The following DIP2C variants were observed in gnomAD, a reference collection of about 807,000 sequenced individuals.
The protein encoded by DIP2C is disco-interacting protein 2 homolog C.
Under a neutral mutation model 192.4 loss-of-function variants are expected in DIP2C, and 33 were observed. That is an observed-to-expected ratio of 0.17 (90% CI 0.13 to 0.23). The LOEUF (loss-of-function observed/expected upper bound fraction) is 0.23, where lower values mean the gene tolerates loss of function less well. Among genes scored for constraint, DIP2C ranks in the 10% least tolerant of loss-of-function variants. DIP2C has a pLI of 1.00. For missense variants in DIP2C, 1,537 were observed against 2,110.1 expected, an observed-to-expected ratio of 0.73 and a Z score of 5.32; for synonymous variants, 979 against 864.1, an observed-to-expected ratio of 1.13 and a Z score of -2.33.
At chr10:316,222 T>G (rs957231801) in intron 31 of DIP2C, among the ~76,000 whole-genome samples, 3 of 152,214 alleles carry the variant, frequency 2.0e-5, no homozygotes, top group African/African-American at 7.2e-5. Context: ...AAATTTTGAT[T>G]ATATAACACA....
intron 1 of DIP2C, among the ~76,000 whole-genome samples, chr10:646,256 C>T (rs1335752673): frequency 6.6e-6 from 1 of 152,128 alleles, no homozygotes; most frequent in Non-Finnish European, 1.5e-5. Flanking sequence ...GACTCACTGC[C>T]CCGTGCCCCC....
intron 1 of DIP2C, among the ~76,000 whole-genome samples, chr10:634,611 G>A (rs967892109): frequency 6.6e-6 from 1 of 152,078 alleles, no homozygotes; most frequent in Admixed American, 6.5e-5. Context: ...ATTTAGCTGG[G>A]TGTGTTGGTG....
intron 1 of DIP2C, chr10:664,394 G>A (rs961851626): frequency 2.6e-5 from 4 of 152,214 alleles, no homozygotes; most frequent in Non-Finnish European, 4.4e-5. Flanking sequence ...AGTCCGCTGT[G>A]TTCTGTTATC....
chr10:366,700 A>G (rs959779809), intron 18 of DIP2C, among the ~76,000 whole-genome samples: 1 of 152,190 alleles, frequency 6.6e-6, no homozygotes, highest in Non-Finnish European at 1.5e-5. Flanking sequence ...CCATTTAGAT[A>G]TGGGGAGGAA....
intron 1 of DIP2C, among the ~76,000 whole-genome samples, chr10:536,622 G>T (rs1847712667): frequency 6.6e-6 from 1 of 152,086 alleles, no homozygotes; most frequent in African/African-American, 2.4e-5. Flanking sequence ...GAGCCGGACA[G>T]ACAGTGAATG....
intron 16 of DIP2C, among the ~76,000 whole-genome samples, chr10:383,380 T>A (rs1292199292): frequency 6.6e-6 from 1 of 152,240 alleles, no homozygotes; most frequent in Non-Finnish European, 1.5e-5. Flanking sequence ...TGTGGTCAGA[T>A]ACCTTTAATT....
In DIP2C at chr10:609,465, A is replaced by G. The variant is rs147253845; in HGVS notation, c.85+80029T>C. Among the ~76,000 whole-genome samples the G allele has an allele frequency of 1.9e-3, 297 of 152,346 alleles. 1 individual carries two copies. Among genetic ancestry groups the G allele is most frequent in the Middle Eastern group, 0.01 (3 of 294 alleles). ...ATCCTATCAGGGCTGACTAACATTC[A>G]ATCAGCATCAGTCTCTCCTTTCAGC... On this transcript the variant is annotated intron_variant, in intron 1 of 36. Transcript: ENST00000280886.
intron 1 of DIP2C, among the ~76,000 whole-genome samples, chr10:568,790 A>C (rs1267605157): frequency 7.1e-6 from 1 of 140,820 alleles, no homozygotes; most frequent in Non-Finnish European, 1.5e-5. Context: ...AAAAAAAAAA[A>C]AAAAAAAACC....
At chr10:449,410 C>G (rs1430456239) in intron 3 of DIP2C, among the ~76,000 whole-genome samples, 1 of 152,120 alleles carries the variant, frequency 6.6e-6, no homozygotes, top group African/African-American at 2.4e-5. Flanking sequence ...CTGCGGCTAT[C>G]AAGGCACACA....
At chr10:589,338 G>T (rs1362056423) in intron 1 of DIP2C, among the ~76,000 whole-genome samples, 1 of 152,076 alleles carries the variant, frequency 6.6e-6, no homozygotes, top group African/African-American at 2.4e-5. Context: ...TAATTTTGAT[G>T]AAGTCTTGTC....
chr10:310,772 A>C (rs543239663), intron 31 of DIP2C, among the ~76,000 whole-genome samples: 2 of 152,160 alleles, frequency 1.3e-5, no homozygotes, highest in Non-Finnish European at 2.9e-5. Flanking sequence ...CACCATGCTG[A>C]CTTCTGACCA....
At chr10:534,686 T>TTCAGACGGAG (rs1847597048) in intron 1 of DIP2C, among the ~76,000 whole-genome samples, 1 of 151,310 alleles carries the variant, frequency 6.6e-6, no homozygotes, top group African/African-American at 2.4e-5. Flanking sequence ...TTTTTTTTTT[T>TTCAGACGGAG]TGAGACGGAG....
chr10:533,073 C>T (rs1466077592), intron 1 of DIP2C, among the ~76,000 whole-genome samples: 1 of 152,154 alleles, frequency 6.6e-6, no homozygotes, highest in Non-Finnish European at 1.5e-5. Flanking sequence ...ACCCCACTTA[C>T]ATAGATCCCA....
chr10:621,161 C>T (rs769084044), intron 1 of DIP2C, among the ~76,000 whole-genome samples: 11 of 152,188 alleles, frequency 7.2e-5, no homozygotes, highest in East Asian at 3.9e-4. Context: ...GGCCGCCCGA[C>T]GCAACGGGCC....
intron 2 of DIP2C, among the ~76,000 whole-genome samples, chr10:484,590 C>T (rs193284448): frequency 6.2e-4 from 95 of 152,330 alleles, no homozygotes; most frequent in African/African-American, 2.2e-3. Flanking sequence ...AGAACTGGGC[C>T]CTGATTCACA....
chr10:436,015 C>G (rs1403056404), intron 4 of DIP2C, among the ~76,000 whole-genome samples: 1 of 151,974 alleles, frequency 6.6e-6, no homozygotes, highest in East Asian at 1.9e-4. Context: ...ATACTTTTAA[C>G]TCAAAATGCT....
At chr10:311,463 C>T in intron 31 of DIP2C, 1 of 1,192,658 alleles carries the variant, frequency 8.4e-7, no homozygotes, top group Non-Finnish European at 1.1e-6. Flanking sequence ...CTAGTCTGTC[C>T]CACGGCTGGA....
At chr10:438,030 T>C (rs917084758) in intron 4 of DIP2C, 10 of 152,232 alleles carry the variant, frequency 6.6e-5, no homozygotes, top group Admixed American at 2.6e-4. Flanking sequence ...ATATTTATGA[T>C]TGTACAAAAC....
intron 2 of DIP2C, among the ~76,000 whole-genome samples, chr10:477,431 G>GGA (rs1554873858): frequency 4.2e-5 from 1 of 23,948 alleles, no homozygotes; most frequent in African/African-American, 8.5e-5. Flanking sequence ...TGGATGGGGG[G>GGA]AGGCAGGGGG....
Sources: allele counts gnomAD v4.1 joint callset (sites outside exome capture counted in the v4.1 genomes callset), GRCh38; gene constraint gnomAD v4.1.1; transcripts MANE v1.5; gene names NCBI Gene and HGNC (gene_info 2026-07-23, HGNC 2026-07-21).